The following PDE1C variants were observed in gnomAD, a reference collection of about 807,000 sequenced individuals.
The protein encoded by PDE1C is phosphodiesterase 1C, also known as dual specificity calcium/calmodulin-dependent 3',5'-cyclic nucleotide phosphodiesterase 1C.
A neutral mutation model predicts 93.1 loss-of-function variants in PDE1C; 62 were observed. That is an observed-to-expected ratio of 0.67 (90% CI 0.54 to 0.82). The LOEUF (loss-of-function observed/expected upper bound fraction) is 0.82, where lower values mean the gene tolerates loss of function less well. Ranked by LOEUF, PDE1C falls within the 40% of genes least tolerant of loss-of-function variation. The pLI is 0.00. For synonymous variants in PDE1C, 325 were observed against 310.1 expected (o/e 1.05, Z -0.50); for missense variants, 742 against 884.6 (o/e 0.84, Z 2.04).
intron 2 of PDE1C, among the ~76,000 whole-genome samples, chr7:32,180,878 G>T (rs917346663): frequency 1.3e-5 from 2 of 152,180 alleles, no homozygotes; most frequent in Non-Finnish European, 2.9e-5. Context: ...AGAGGATTTA[G>T]AAATTATGAA....
At chr7:31,808,913 T>A (rs1779892816) in intron 16 of PDE1C, 118 bp downstream of exon 16, 1 of 597,812 alleles carries the variant, frequency 1.7e-6, no homozygotes. Context: ...AGTGAAGGGT[T>A]TTTTTCAGGA....
intron 7 of PDE1C, among the ~76,000 whole-genome samples, chr7:31,851,412 G>A (rs1307455604): frequency 2.0e-5 from 3 of 152,152 alleles, no homozygotes; most frequent in Non-Finnish European, 2.9e-5. Context: ...GCTAGGTTGT[G>A]GCCCAGCAAT....
intron 1 of PDE1C, among the ~76,000 whole-genome samples, chr7:32,321,462 C>T (rs147945137): frequency 2.6e-5 from 4 of 152,192 alleles, no homozygotes; most frequent in Non-Finnish European, 4.4e-5. Flanking sequence ...AATAGATGCC[C>T]CTTACTTTTG....
intron 2 of PDE1C, among the ~76,000 whole-genome samples, chr7:31,933,269 T>C (rs894033036): frequency 2.0e-5 from 3 of 152,074 alleles, no homozygotes; most frequent in African/African-American, 7.2e-5. Context: ...TTTTTCTCTT[T>C]AATTAGAGAA....
intron 2 of PDE1C, among the ~76,000 whole-genome samples, chr7:31,962,167 T>C (rs1809091007): frequency 6.6e-6 from 1 of 152,210 alleles, no homozygotes; most frequent in South Asian, 2.1e-4. Flanking sequence ...CCCACTGATC[T>C]CTTGGGCCTC....
At chr7:31,844,557 T>C (rs1180588088) in intron 9 of PDE1C, among the ~76,000 whole-genome samples, 3 of 151,950 alleles carry the variant, frequency 2.0e-5, no homozygotes, top group Admixed American at 6.6e-5. Flanking sequence ...TAATTTGTCA[T>C]TTTTCTTTAT....
intron 1 of PDE1C, among the ~76,000 whole-genome samples, chr7:32,322,698 C>A (rs1325220381): frequency 2.0e-5 from 3 of 151,782 alleles, no homozygotes; most frequent in Non-Finnish European, 2.9e-5. Context: ...CTCACTGCAA[C>A]CTCCGCCTCC....
chr7:31,627,140 G>C, the PDE1C span, among the ~76,000 whole-genome samples: 1 of 152,164 alleles, frequency 6.6e-6, no homozygotes, highest in Non-Finnish European at 1.5e-5. Flanking sequence ...CACTGGAGAA[G>C]CTCCTCAATG....
At chr7:32,048,249 G>T (rs73098637) in intron 2 of PDE1C, among the ~76,000 whole-genome samples, 8,882 of 152,224 alleles carry the variant, frequency 0.058, 306 homozygotes, top group Non-Finnish European at 0.073. Context: ...CTTTTATCAA[G>T]AGATTTAGTC....
At chr7:32,291,139 AG>A (rs1473855692) in intron 1 of PDE1C, among the ~76,000 whole-genome samples, 7 of 152,190 alleles carry the variant, frequency 4.6e-5, no homozygotes, top group African/African-American at 1.7e-4. Context: ...TTAACAGATG[AG>A]CACATTGAAA....
At chr7:31,979,946 C>T (rs1019829778) in intron 2 of PDE1C, among the ~76,000 whole-genome samples, 2 of 152,160 alleles carry the variant, frequency 1.3e-5, no homozygotes, top group Non-Finnish European at 2.9e-5. Context: ...ATCCTGACAG[C>T]AGGGGTGAGA....
chr7:31,896,006 C>CAT (rs1254758741), intron 2 of PDE1C, among the ~76,000 whole-genome samples: 1 of 151,702 alleles, frequency 6.6e-6, no homozygotes, highest in African/African-American at 2.4e-5. Flanking sequence ...TACATACATA[C>CAT]ATACATACAT....
At chr7:32,030,793 C>G (rs925704909) in intron 2 of PDE1C, among the ~76,000 whole-genome samples, 1 of 151,966 alleles carries the variant, frequency 6.6e-6, no homozygotes, top group African/African-American at 2.4e-5. Flanking sequence ...TGAATAAAGA[C>G]CTCCTTCTCT....
At chr7:31,652,824 C>T in the PDE1C span, 1 of 1,611,064 alleles carries the variant, frequency 6.2e-7, no homozygotes, top group Admixed American at 1.7e-5. Flanking sequence ...AGATGTCTTC[C>T]TCTAGATCAG....
chr7:31,703,415 AACAAC>A, the PDE1C span, among the ~76,000 whole-genome samples: 1 of 152,184 alleles, frequency 6.6e-6, no homozygotes, highest in Admixed American at 6.5e-5. Flanking sequence ...ATGTTTATCA[AACAAC>A]ACAGCGTAAA....
intron 1 of PDE1C, among the ~76,000 whole-genome samples, chr7:32,255,521 A>G (rs1211166866): frequency 1.3e-5 from 2 of 152,224 alleles, no homozygotes; most frequent in Non-Finnish European, 2.9e-5. Flanking sequence ...ACAGACCCCA[A>G]TTCTGTCCCT....
intron 1 of PDE1C, among the ~76,000 whole-genome samples, chr7:32,224,595 G>A (rs1416459348): frequency 6.6e-6 from 1 of 152,196 alleles, no homozygotes; most frequent in Non-Finnish European, 1.5e-5. Flanking sequence ...AGATGGTGGT[G>A]GTGGTATTAT....
At chr7:31,968,396 T>C (rs1337170634) in intron 2 of PDE1C, among the ~76,000 whole-genome samples, 4 of 151,750 alleles carry the variant, frequency 2.6e-5, no homozygotes, top group Non-Finnish European at 4.4e-5. Flanking sequence ...GGAATCCAAC[T>C]TACAAGGGAT....
At chr7:31,839,311 T>C (rs1791541229) in intron 9 of PDE1C, among the ~76,000 whole-genome samples, 1 of 150,892 alleles carries the variant, frequency 6.6e-6, no homozygotes, top group Non-Finnish European at 1.5e-5. Flanking sequence ...TACACACATA[T>C]TATTTTAAAA....
Sources: allele counts gnomAD v4.1 joint callset (sites outside exome capture counted in the v4.1 genomes callset), GRCh38; gene constraint gnomAD v4.1.1; transcripts MANE v1.5; gene names NCBI Gene and HGNC (gene_info 2026-07-23, HGNC 2026-07-21).